The following DPH6 variants were observed in gnomAD, a reference collection of about 807,000 sequenced individuals.
The protein encoded by DPH6 is diphthine--ammonia ligase.
In DPH6, 33 loss-of-function variants were observed where a neutral mutation model predicts 38.2. The observed-to-expected ratio is 0.86, with a 90% CI of 0.65 to 1.15. DPH6 has a LOEUF of 1.15. Ranked by LOEUF, DPH6 falls within the 50% of genes most tolerant of loss-of-function variation. The pLI is 0.00. For missense variants in DPH6, 325 were observed against 320.0 expected (o/e 1.02, Z -0.12); for synonymous variants, 108 against 103.0 (o/e 1.05, Z -0.30).
At chr15:35,285,872 G>GTTTTTTTTTGTTTTTTTTTTTTTTTT (rs2051938608) in intron 3 of DPH6, among the ~76,000 whole-genome samples, 1 of 52,794 alleles carries the variant, frequency 1.9e-5, no homozygotes, top group African/African-American at 7.5e-5. Context: ...TTATCTTTGA[G>GTTTTTTTTTGTTTTTTTTTTTTTTTT]TTTTTTTTTT....
chr15:35,523,237 ATTCTTT>A (rs1566939715), intron 3 of DPH6, among the ~76,000 whole-genome samples: 1 of 110,916 alleles, frequency 9.0e-6, no homozygotes, highest in Non-Finnish European at 1.7e-5. Flanking sequence ...GAAGTTACAC[ATTCTTT>A]TTTTTTTTTT....
intron 3 of DPH6, among the ~76,000 whole-genome samples, chr15:35,265,494 G>A (rs2051777503): frequency 6.6e-6 from 1 of 152,162 alleles, no homozygotes; most frequent in Non-Finnish European, 1.5e-5. Context: ...AGGGGGAAAA[G>A]GCATAGAAGG....
At chr15:35,293,147 TCTGA>T (rs1474271279) in intron 3 of DPH6, among the ~76,000 whole-genome samples, 7 of 152,224 alleles carry the variant, frequency 4.6e-5, no homozygotes, top group Non-Finnish European at 1.0e-4. Context: ...AATTTGCTAT[TCTGA>T]CTAAGGCAGC....
At chr15:35,212,013 G>A in the DPH6 span, among the ~76,000 whole-genome samples, 1 of 152,178 alleles carries the variant, frequency 6.6e-6, no homozygotes, top group African/African-American at 2.4e-5. Flanking sequence ...TGAACAGATT[G>A]TTTGAGACAT....
At chr15:35,530,766 G>C (rs753721751) in intron 3 of DPH6, among the ~76,000 whole-genome samples, 2 of 152,184 alleles carry the variant, frequency 1.3e-5, no homozygotes, top group African/African-American at 2.4e-5. Context: ...TTTATTTCCA[G>C]ACAGATCTTC....
chr15:35,359,255 G>A (rs1436080855), intron 3 of DPH6, among the ~76,000 whole-genome samples: 1 of 152,076 alleles, frequency 6.6e-6, no homozygotes, highest in Admixed American at 6.5e-5. Context: ...CCCCCAGACT[G>A]TTTCTAGGCA....
intron 5 of DPH6, among the ~76,000 whole-genome samples, chr15:35,442,723 A>G (rs1000775325): frequency 6.6e-6 from 1 of 152,224 alleles, no homozygotes; most frequent in African/African-American, 2.4e-5. Context: ...TATAATTTGG[A>G]TGATTCTTGA....
the DPH6 span, among the ~76,000 whole-genome samples, chr15:35,210,926 C>A: frequency 8.5e-6 from 1 of 118,220 alleles, no homozygotes; most frequent in Non-Finnish European, 1.7e-5. Context: ...TTTTTGGCTT[C>A]TAAGGACATA....
intron 3 of DPH6, among the ~76,000 whole-genome samples, chr15:35,365,174 A>T (rs1172228151): frequency 6.6e-6 from 1 of 152,078 alleles, no homozygotes; most frequent in Non-Finnish European, 1.5e-5. Flanking sequence ...TATCATTATA[A>T]GTACTTCAGG....
intron 6 of DPH6, among the ~76,000 whole-genome samples, chr15:35,403,720 C>T (rs1274661275): frequency 2.6e-5 from 4 of 152,010 alleles, no homozygotes; most frequent in Non-Finnish European, 5.9e-5. Context: ...ATTGCCCAGG[C>T]TGGTCTTGAA....
Position 35,371,362 on chromosome 15 carries a change from T to C in DPH6, c.*788A>G, listed in dbSNP as rs140515997. The C allele has an allele frequency of 7.8e-4, 129 of 164,832 alleles. 2 individuals carry two copies. The East Asian group carries it at 0.018, about 23-fold the overall frequency. The allele number at this position is 164,832 out of a possible 1,614,324, so 10.2% of individuals were successfully genotyped here. ...CACGTAAACTATGGACTTTGGGTGATAATAATGTGTCAATGTAGGTTCATC... is the reference window on the plus strand; with the variant it reads ...CACGTAAACTATGGACTTTGGGTGACAATAATGTGTCAATGTAGGTTCATC... On this transcript the variant is annotated 3_prime_UTR_variant, in exon 9 of 9. Coordinates refer to ENST00000256538, the MANE Select transcript of DPH6 (RefSeq NM_080650.4).
chr15:35,327,905 T>C (rs1296278433), downstream of DPH6, among the ~76,000 whole-genome samples: 1 of 152,194 alleles, frequency 6.6e-6, no homozygotes, highest in African/African-American at 2.4e-5. Flanking sequence ...ACTTATACCA[T>C]GACCACTTGA....
intron 3 of DPH6, among the ~76,000 whole-genome samples, chr15:35,302,855 G>C (rs1261593299): frequency 1.3e-5 from 2 of 151,632 alleles, no homozygotes; most frequent in Non-Finnish European, 2.9e-5. Flanking sequence ...ACTTGAATAG[G>C]GTCTTCTTAT....
intron 3 of DPH6, among the ~76,000 whole-genome samples, chr15:35,351,720 C>CTTT (rs758678929): frequency 1.5e-5 from 2 of 136,396 alleles, no homozygotes; most frequent in Admixed American, 7.3e-5. Context: ...TGTCAGACTT[C>CTTT]TTTTTTTTTT....
intron 3 of DPH6, among the ~76,000 whole-genome samples, chr15:35,459,502 T>C (rs1462628612): frequency 1.3e-5 from 2 of 152,204 alleles, no homozygotes; most frequent in East Asian, 3.9e-4. Flanking sequence ...GGGGCATAAT[T>C]AGTTTATAGC....
chr15:35,494,283 T>C (rs535654151), intron 3 of DPH6, among the ~76,000 whole-genome samples: 2 of 152,284 alleles, frequency 1.3e-5, no homozygotes, highest in South Asian at 2.1e-4. Context: ...TACTTTCTAA[T>C]GATTCTGAAT....
the DPH6 span, among the ~76,000 whole-genome samples, chr15:35,177,950 A>AT: frequency 1.3e-5 from 2 of 152,006 alleles, no homozygotes; most frequent in Non-Finnish European, 2.9e-5. Flanking sequence ...CTCAAAAAAA[A>AT]AATAATAATA....
At chr15:35,270,054 C>G (rs964881351) in intron 3 of DPH6, among the ~76,000 whole-genome samples, 1 of 152,070 alleles carries the variant, frequency 6.6e-6, no homozygotes, top group Non-Finnish European at 1.5e-5. Context: ...CCGCCTCGGC[C>G]TCCCAAAGTG....
intron 3 of DPH6, among the ~76,000 whole-genome samples, chr15:35,481,792 T>A (rs941964960): frequency 1.3e-5 from 2 of 152,164 alleles, no homozygotes; most frequent in Non-Finnish European, 2.9e-5. Context: ...GCTATTTTAT[T>A]AACCTTCTTT....
Sources: allele counts gnomAD v4.1 joint callset (sites outside exome capture counted in the v4.1 genomes callset), GRCh38; gene constraint gnomAD v4.1.1; transcripts MANE v1.5; gene names NCBI Gene and HGNC (gene_info 2026-07-23, HGNC 2026-07-21).